The following SLFN5 variants were observed in gnomAD, a reference collection of about 807,000 sequenced individuals.
SLFN5 encodes the protein schlafen family member 5.
Under a neutral mutation model 48.5 loss-of-function variants are expected in SLFN5, and 34 were observed. The observed-to-expected ratio is 0.70, with a 90% CI of 0.53 to 0.93. The LOEUF is 0.93. SLFN5 is among the 40% of genes least tolerant of loss of function. The pLI, the probability that SLFN5 is intolerant of heterozygous loss-of-function variation, is 0.00. For synonymous variants in SLFN5, 387 were observed against 396.2 expected, an observed-to-expected ratio of 0.98 and a Z score of 0.28; for missense variants, 1,006 against 1,071.3, an observed-to-expected ratio of 0.94 and a Z score of 0.85.
At position 35,265,161 on chromosome 17, in the gene SLFN5, A is replaced by G. The variant is rs1041352206; in HGVS notation, c.1949A>G (p.Asp650Gly). Residue 650 changes from aspartate (D) to glycine (G), a missense_variant, in exon 5 of 5, where the codon GAC becomes GGC. Transcript: ENST00000299977. ...FEHIQHIIID[D>G]AQNFRTEDGD... is the part of the protein sequence containing the mutation. ...CACATCCAGCACATTATCATTGATG[A>G]CGCTCAGAATTTCCGTACTGAAGAT... is the stretch of plus-strand genomic sequence containing the variant. The G allele has an allele frequency of 6.2e-7, 1 of 1,614,232 alleles. No homozygotes were observed. Among genetic ancestry groups the G allele is most frequent in the Non-Finnish European group, 8.5e-7 (1 of 1,180,036 alleles).
At chr17:35,252,620 AT>A (rs57935147) in intron 1 of SLFN5, among the ~76,000 whole-genome samples, 46,354 of 147,950 alleles carry the variant, frequency 0.31, 9,631 homozygotes, top group African/African-American at 0.58. Flanking sequence ...GTTCCTCAGT[AT>A]TTTTTTTTTT....
Position 35,259,151 on chromosome 17 carries a change from G to A in SLFN5, c.461G>A (p.Gly154Asp), listed in dbSNP as rs1293194762. The A allele has an allele frequency of 1.2e-6, 2 of 1,614,114 alleles. No individual in the cohort carries two copies. The highest frequency in any genetic ancestry group is 1.7e-6 in the Non-Finnish European group (2 of 1,180,028). Residue 154 changes from glycine to aspartate, a missense_variant, in exon 2 of 5, where the codon GGT (glycine) becomes GAT (aspartate). Coordinates refer to ENST00000299977, the MANE Select transcript of SLFN5 (RefSeq NM_144975.4). ...PTNINVSNSL[G>D]PQAAQGSVQY... ...AATATTAATGTTTCCAATTCATTAG[G>A]TCCACAGGCAGCTCAGGGTAGTGTA... is the stretch of plus-strand genomic sequence containing the variant.
intron 1 of SLFN5, among the ~76,000 whole-genome samples, chr17:35,248,773 C>A (rs538477429): frequency 2.4e-4 from 36 of 152,262 alleles, no homozygotes; most frequent in South Asian, 1.0e-3. Flanking sequence ...GCAAGACTAG[C>A]AAAAATTCAC....
chr17:35,265,724 G>T lies in SLFN5; in HGVS notation c.2512G>T (p.Asp838Tyr). The change falls in exon 5 of 5, where the codon GAT (aspartate) becomes TAT (tyrosine). Residue 838 changes from aspartate (D) to tyrosine (Y), a missense_variant. By Grantham distance (160) the Asp-to-Tyr change is radical (BLOSUM62 -3). Transcript: ENST00000299977. ...CGGTGATGCGTCGGATGTTCTAACC[G>T]ATCACATTGTGTTGGACAGTGTCTG... ...QIGDASDVLT[D>Y]HIVLDSVCRF... 6.2e-7 allele frequency: 1 copy of T among 1,614,166 alleles called. No individual in the cohort carries two copies. Among genetic ancestry groups the T allele is most frequent in the Non-Finnish European group, 8.5e-7 (1 of 1,180,030 alleles).
At chr17:35,252,119 C>T (rs945307974) in intron 1 of SLFN5, among the ~76,000 whole-genome samples, 1 of 152,116 alleles carries the variant, frequency 6.6e-6, no homozygotes, top group African/African-American at 2.4e-5. Context: ...AAATCCACAT[C>T]CGTGGGAAAA....
At chr17:35,245,513 G>A (rs2092428618) in intron 1 of SLFN5, among the ~76,000 whole-genome samples, 2 of 152,166 alleles carry the variant, frequency 1.3e-5, no homozygotes, top group South Asian at 4.1e-4. Flanking sequence ...AGATAAGGGA[G>A]GACTACTATA....
rs1567790914 is a variant in SLFN5 at position 35,259,402 on chromosome 17, G to C, written c.712G>C (p.Val238Leu). Reference protein sequence around the residue: ...FFGVHDETCQVIGCEKEKIDL... With the variant: ...FFGVHDETCQLIGCEKEKIDL... The stretch of plus-strand genomic sequence containing the variant: ...TGGTGTGCATGATGAGACTTGTCAA[G>C]TGATTGGATGTGAAAAAGAGAAAAT... Residue 238 changes from valine (V) to leucine (L), a missense_variant, in exon 2 of 5, where the codon GTG becomes CTG. Physicochemically the swap from Val to Leu is conservative, Grantham distance 32. Transcript: ENST00000299977. 2.5e-6 allele frequency: 4 copies of C among 1,614,108 alleles called. No individual in the cohort carries two copies. Among genetic ancestry groups the C allele is most frequent in the Non-Finnish European group, 3.4e-6 (4 of 1,180,054 alleles).
chr17:35,251,703 CTTTTTTTTTTT>C (rs34854448), intron 1 of SLFN5, among the ~76,000 whole-genome samples: 1 of 84,970 alleles, frequency 1.2e-5, no homozygotes, highest in South Asian at 4.8e-4. Context: ...GGCGCCCGGA[CTTTTTTTTTTT>C]TTTTTTTTTT....
Position 35,265,815 on chromosome 17 carries a change from G to C in SLFN5, c.2603G>C (p.Gly868Ala). 6.2e-7 allele frequency: 1 copy of C among 1,614,140 alleles called. No homozygotes were observed. Among genetic ancestry groups the C allele is most frequent in the Non-Finnish European group, 8.5e-7 (1 of 1,180,024 alleles). Residue 868 changes from glycine to alanine, a missense_variant, in exon 5 of 5, where the codon GGG becomes GCG. Coordinates refer to ENST00000299977, the MANE Select transcript of SLFN5 (RefSeq NM_144975.4). ...AATCCAGGAGTAGCCCCACCGGCTG[G>C]GGCCTACAATCTTCTGCTCTGTTTG... ...GINPGVAPPA[G>A]AYNLLLCLAS...
chr17:35,244,839 G>A (rs1372661459), intron 1 of SLFN5, among the ~76,000 whole-genome samples: 1 of 152,074 alleles, frequency 6.6e-6, no homozygotes, highest in East Asian at 1.9e-4. Context: ...GCTACTCGGA[G>A]CCTGAGGCAG....
Position 35,265,776 on chromosome 17 carries a change from T to C in SLFN5, c.2564T>C (p.Ile855Thr), listed in dbSNP as rs201519173. 144 of 1,614,154 alleles carry C rather than the reference T, an allele frequency of 8.9e-5. No individual in the cohort carries two copies. Among genetic ancestry groups the C allele is most frequent in the Non-Finnish European group, 1.1e-4 (132 of 1,180,030 alleles). ...VCRFSGLERN[I>T]VFGINPGVAP... Reference sequence around the variant, plus strand: ...CGATTTTCAGGCCTGGAAAGAAATATCGTGTTTGGAATCAATCCAGGAGTA... The same window carrying C: ...CGATTTTCAGGCCTGGAAAGAAATACCGTGTTTGGAATCAATCCAGGAGTA... Residue 855 changes from isoleucine (I) to threonine (T), a missense_variant, in exon 5 of 5, where the codon ATC (isoleucine) becomes ACC (threonine). By Grantham distance (89) the Ile-to-Thr change is moderately conservative. Coordinates refer to ENST00000299977, the MANE Select transcript of SLFN5 (RefSeq NM_144975.4).
At position 35,266,087 on chromosome 17, in the gene SLFN5, G is replaced by C. The variant is rs1409144743; in HGVS notation, c.*199G>C. On this transcript the variant is annotated 3_prime_UTR_variant, in exon 5 of 5. Transcript: ENST00000299977. ...ACTGACAAATACACAGATAGACAAG[G>C]AATTTCCCATGGTAAAAAGGGATAT... 3.5e-6 allele frequency: 2 copies of C among 565,978 alleles called. No individual in the cohort carries two copies. 35.1% of individuals were successfully genotyped at this position (565,978 alleles called of 1,614,324 possible).
At position 35,258,844 on chromosome 17, in the gene SLFN5, A is replaced by G. The variant is rs1205246352; in HGVS notation, c.154A>G (p.Asn52Asp). The change falls in exon 2 of 5, where the codon AAT (asparagine) becomes GAT (aspartate). Residue 52 changes from asparagine (N) to aspartate (D), a missense_variant. Transcript: ENST00000299977. ...CCTGCGAGCAGTATGTGCTCTGCTG[A>G]ATTCTGGTGGGGGCATAATCAAGGC... ...IILRAVCALL[N>D]SGGGIIKAEI... 10 of 1,614,202 alleles carry G rather than the reference A, an allele frequency of 6.2e-6. No individual in the cohort carries two copies. The East Asian group carries it at 2.0e-4, about 32-fold the overall frequency.
At position 35,266,224 on chromosome 17, in the gene SLFN5, T is replaced by G; in HGVS notation, c.*336T>G. On this transcript the variant is annotated 3_prime_UTR_variant, in exon 5 of 5. Transcript: ENST00000299977. ...TGTGTAGGTAGATGGAGGGGGTGAT[T>G]ATTTTGGGTGGTCAGGGAAGTGCTC... 5.6e-6 allele frequency: 1 copy of G among 177,062 alleles called. No individual in the cohort carries two copies. Among genetic ancestry groups the G allele is most frequent in the East Asian group, 1.4e-4 (1 of 7,092 alleles). 11.0% of individuals were successfully genotyped at this position (177,062 alleles called of 1,614,324 possible). A position where few individuals can be genotyped will look rare whatever the true frequency, so the allele number is the denominator to read the frequency against.
At chr17:35,247,798 C>T (rs2092434081) in intron 1 of SLFN5, among the ~76,000 whole-genome samples, 1 of 152,240 alleles carries the variant, frequency 6.6e-6, no homozygotes, top group African/African-American at 2.4e-5. Flanking sequence ...AAGCTTGCTT[C>T]ACAGTCCAGT....
rs924935495 is a variant in SLFN5, at chr17:35,258,777, G to C, written c.87G>C (p.Gln29His). The C allele has an allele frequency of 3.7e-6, 6 of 1,614,070 alleles. No homozygotes were observed. The highest frequency in any genetic ancestry group is 5.1e-6 in the Non-Finnish European group (6 of 1,180,042). Residue 29 changes from glutamine (Q) to histidine (H), a missense_variant, in exon 2 of 5, where the codon CAG becomes CAC. Gln to His is a conservative substitution (Grantham distance 24). Coordinates refer to ENST00000299977, the MANE Select transcript of SLFN5 (RefSeq NM_144975.4). ...GKVTLGTQQR[Q>H]EMDPRLREKQ... ...TCACCCTTGGGACTCAGCAGAGGCAGGAGATGGACCCTCGCCTGCGGGAGA... is the reference window on the plus strand; with the variant it reads ...TCACCCTTGGGACTCAGCAGAGGCACGAGATGGACCCTCGCCTGCGGGAGA...
intron 1 of SLFN5, among the ~76,000 whole-genome samples, chr17:35,258,098 G>A (rs994781192): frequency 6.6e-6 from 1 of 152,164 alleles, no homozygotes; most frequent in African/African-American, 2.4e-5. Context: ...TTTCTGTGGT[G>A]GTGGTGTGCT....
rs1445338873 is a variant in SLFN5, at chr17:35,251,330, G to A, written c.-40-7321G>A. 5.3e-5 allele frequency among the ~76,000 whole-genome samples: 8 copies of A among 152,280 alleles called. No homozygotes were observed. In the East Asian group the frequency reaches 1.3e-3, roughly 26 times the overall value. ...ACTTGATGATGCTTCTGCCAAACTA[G>A]CTCTAGGCTCATTCCCCGCCTGACC... On this transcript the variant is annotated intron_variant, in intron 1 of 4. Coordinates refer to ENST00000299977, the MANE Select transcript of SLFN5 (RefSeq NM_144975.4).
chr17:35,264,156 ATT>A (rs745427563), intron 3 of SLFN5, 25 bp from the exon 4 acceptor site: 1 of 1,539,752 alleles, frequency 6.5e-7, no homozygotes, highest in Admixed American at 2.1e-5. Context: ...GGCTTTTCTA[ATT>A]TCTTCCCATC....
Sources: allele counts gnomAD v4.1 joint callset (sites outside exome capture counted in the v4.1 genomes callset), GRCh38; gene constraint gnomAD v4.1.1; transcripts MANE v1.5; gene names NCBI Gene and HGNC (gene_info 2026-07-23, HGNC 2026-07-21).